The following RTN4RL2 variants were observed in gnomAD, a reference collection of about 807,000 sequenced individuals.
The protein encoded by RTN4RL2 is reticulon 4 receptor like 2.
Under a neutral mutation model 27.8 loss-of-function variants are expected in RTN4RL2, and 9 were observed. That is an observed-to-expected ratio of 0.32 (90% CI 0.20 to 0.57). The LOEUF (loss-of-function observed/expected upper bound fraction) is 0.57, where lower values mean the gene tolerates loss of function less well. Among genes scored for constraint, RTN4RL2 ranks in the 20% least tolerant of loss-of-function variants. The pLI, the probability that RTN4RL2 is intolerant of heterozygous loss-of-function variation, is 0.90. For missense variants in RTN4RL2, 436 were observed against 596.8 expected, an observed-to-expected ratio of 0.73 and a Z score of 2.81; for synonymous variants, 285 against 297.9, an observed-to-expected ratio of 0.96 and a Z score of 0.45.
intron 1 of RTN4RL2, among the ~76,000 whole-genome samples, chr11:57,462,640 G>C (rs1943492965): frequency 6.6e-6 from 1 of 152,240 alleles, no homozygotes; most frequent in Non-Finnish European, 1.5e-5. Context: ...CCTGTGGGCT[G>C]AGAACTTTGT....
At position 57,460,569 on chromosome 11, in the gene RTN4RL2, C is replaced by G. The variant is rs1468960520; in HGVS notation, c.-297C>G. On this transcript the variant is annotated 5_prime_UTR_variant, in exon 1 of 3. Transcript: ENST00000335099. ...CAGCCTGGGCACACGGACAGACGGA[C>G]TGACGGACTCTCGAGCGGACAGCGC... 1.8e-5 allele frequency: 3 copies of G among 167,486 alleles called. No homozygotes were observed. The highest frequency in any genetic ancestry group is 3.8e-5 in the Non-Finnish European group (3 of 78,548). 10.4% of individuals were successfully genotyped at this position (167,486 alleles called of 1,614,324 possible).
At chr11:57,473,192 T>TA (rs1410790201) in intron 2 of RTN4RL2, among the ~76,000 whole-genome samples, 1 of 152,188 alleles carries the variant, frequency 6.6e-6, no homozygotes, top group Non-Finnish European at 1.5e-5. Context: ...AGACACTCGG[T>TA]ACAGCTCTGT....
intron 1 of RTN4RL2, 85 bp downstream of exon 1, chr11:57,460,981 A>C: frequency 7.5e-6 from 5 of 662,830 alleles, no homozygotes; most frequent in Non-Finnish European, 1.1e-5. Flanking sequence ...AGGGTGGGGC[A>C]GTTGGGGAGG....
At chr11:57,468,510 CTCTT>C in intron 2 of RTN4RL2, 2 of 1,483,470 alleles carry the variant, frequency 1.3e-6, no homozygotes, top group Non-Finnish European at 9.1e-7. Context: ...GTGTATCTGT[CTCTT>C]TCTGTGATCT....
At chr11:57,468,877 T>C in intron 2 of RTN4RL2, 3 of 877,564 alleles carry the variant, frequency 3.4e-6, no homozygotes, top group Non-Finnish European at 5.5e-6. Context: ...ATTGATCTAA[T>C]TATTGTTTAT....
In RTN4RL2 at chr11:57,476,234, G is replaced by C. The variant is rs752738126; in HGVS notation, c.586G>C (p.Glu196Gln). ...CGGGAACCGCCTGCGGCTGCTCACA[G>C]AGCACGTGTTTCGCGGCCTGGGCAG... ...LHGNRLRLLT[E>Q]HVFRGLGSLD... The change falls in exon 3 of 3, where the codon GAG becomes CAG. Residue 196 changes from glutamate (E) to glutamine (Q), a missense_variant. Physicochemically the swap from Glu to Gln is conservative, Grantham distance 29. Around this residue, in one of 3 missense-constraint regions of RTN4RL2, gnomAD observed 365 missense variants for 530.5 expected, o/e 0.69. Transcript: ENST00000335099. This position sits in a 1 kb window ranked among gnomAD's most constrained non-coding sequence, Gnocchi z 8.2. 2 of 1,612,646 alleles carry C rather than the reference G, an allele frequency of 1.2e-6. No individual in the cohort carries two copies. The highest frequency in any genetic ancestry group is 1.7e-6 in the Non-Finnish European group (2 of 1,179,574).
At chr11:57,475,203 T>C (rs1416508400) in intron 2 of RTN4RL2, among the ~76,000 whole-genome samples, 1 of 152,224 alleles carries the variant, frequency 6.6e-6, no homozygotes, top group Non-Finnish European at 1.5e-5. Flanking sequence ...GAGGGGGTTA[T>C]ACATAATAAG....
chr11:57,472,501 G>A (rs755191121), intron 2 of RTN4RL2, among the ~76,000 whole-genome samples: 5 of 152,272 alleles, frequency 3.3e-5, no homozygotes, highest in South Asian at 2.1e-4. Context: ...ATGAGCCACC[G>A]TACACAGCTG....
chr11:57,471,927 C>T (rs373611393), intron 2 of RTN4RL2, among the ~76,000 whole-genome samples: 24 of 151,882 alleles, frequency 1.6e-4, no homozygotes, highest in Middle Eastern at 3.4e-3. Flanking sequence ...GGCACGATCT[C>T]GGCTCACTGC....
rs753025440 is a variant in RTN4RL2 at position 57,476,944 on chromosome 11, G to A, written c.*33G>A. The A allele has an allele frequency of 4.0e-6, 6 of 1,516,046 alleles. No homozygotes were observed. The highest frequency in any genetic ancestry group is 2.9e-5 in the African/African-American group (2 of 69,360). 93.9% of individuals were successfully genotyped at this position (1,516,046 alleles called of 1,614,324 possible). A position where few individuals can be genotyped will look rare whatever the true frequency, so the allele number is the denominator to read the frequency against. The stretch of plus-strand genomic sequence containing the variant: ...GCTGAGATCGAAGAGGCCAGTGTCC[G>A]ATCCCCGCTTCCCGTCCACCCGGGG... On this transcript the variant is annotated 3_prime_UTR_variant, in exon 3 of 3. Coordinates refer to ENST00000335099, the MANE Select transcript of RTN4RL2 (RefSeq NM_178570.3). The surrounding 1 kb of genome is among the most constrained non-coding windows in gnomAD (Gnocchi z 8.2).
Position 57,468,052 on chromosome 11 carries a change from T to C in RTN4RL2, c.475T>C (p.Tyr159His). The C allele has an allele frequency of 1.3e-6, 2 of 1,598,676 alleles. No homozygotes were observed. The highest frequency in any genetic ancestry group is 1.7e-6 in the Non-Finnish European group (2 of 1,179,168). ...CTTCCGAGGCCTGGTCAGCCTGCAG[T>C]ACCTCTACCTCCAGGAGAACAGCCT... ...NIFRGLVSLQ[Y>H]LYLQENSLLH... is the part of the protein sequence containing the mutation. The change falls in exon 2 of 3, where the codon TAC becomes CAC. Residue 159 changes from tyrosine (Y) to histidine (H), a missense_variant. Tyr to His is a moderately conservative substitution (Grantham distance 83). Around this residue, in one of 3 missense-constraint regions of RTN4RL2, gnomAD observed 365 missense variants for 530.5 expected, o/e 0.69. Transcript: ENST00000335099.
chr11:57,467,453 A>G lies in RTN4RL2; in HGVS notation c.32-156A>G, dbSNP rs1212418840. ...AGTCTCAAACTCCTGGCCTCAAGCA[A>G]TCCTCCTGCCTTGGCCTCCCAAAGT... On this transcript the variant is annotated intron_variant, in intron 1 of 2. Transcript: ENST00000335099. The surrounding 1 kb of genome is among the most constrained non-coding windows in gnomAD (Gnocchi z 5.5). Among the ~76,000 whole-genome samples, 1 of 151,772 alleles carries G rather than the reference A, an allele frequency of 6.6e-6. No homozygotes were observed. The highest frequency in any genetic ancestry group is 2.4e-5 in the African/African-American group (1 of 41,294).
chr11:57,468,190 A>G, intron 2 of RTN4RL2, 100 bp downstream of exon 2: 1 of 1,247,800 alleles, frequency 8.0e-7, no homozygotes, highest in Non-Finnish European at 1.1e-6. Flanking sequence ...CTCTCTCCCC[A>G]GGCCACCCTT....
chr11:57,468,111 C>T lies in RTN4RL2; in HGVS notation c.513+21C>T. 1.9e-6 allele frequency: 3 copies of T among 1,562,862 alleles called. No individual in the cohort carries two copies. In the African/African-American group the frequency reaches 4.0e-5, roughly 21 times the overall value. ...TACAGGTGAGCCTGCCCTGCCCCCA[C>T]CCTCAGCCCCTTTCTGGTTTCCTCT... is the stretch of plus-strand genomic sequence containing the variant. On this transcript the variant is annotated intron_variant, in intron 2 of 2. Transcript: ENST00000335099.
chr11:57,462,909 AG>A (rs771130099), intron 1 of RTN4RL2, among the ~76,000 whole-genome samples: 3 of 152,240 alleles, frequency 2.0e-5, no homozygotes, highest in Non-Finnish European at 4.4e-5. Context: ...AGAGAGCTGG[AG>A]TCCCTTCCTT....
intron 2 of RTN4RL2, chr11:57,469,000 T>C (rs940795031): frequency 1.6e-6 from 1 of 642,154 alleles, no homozygotes; most frequent in Non-Finnish European, 2.8e-6. Flanking sequence ...CTACAGAGCC[T>C]CCGGCTGGAA....
At chr11:57,468,359 C>A (rs1943541503) in intron 2 of RTN4RL2, among the ~76,000 whole-genome samples, 1 of 152,120 alleles carries the variant, frequency 6.6e-6, no homozygotes, top group African/African-American at 2.4e-5. Flanking sequence ...ACCTCTCTGC[C>A]TCTGCCTGTC....
At chr11:57,468,728 C>T (rs1003700859) in intron 2 of RTN4RL2, 18 of 1,535,970 alleles carry the variant, frequency 1.2e-5, no homozygotes, top group Non-Finnish European at 1.6e-5. Flanking sequence ...AGCCCACACC[C>T]CTTCTAGATT....
intron 2 of RTN4RL2, chr11:57,468,649 A>G: frequency 6.5e-7 from 1 of 1,536,178 alleles, no homozygotes; most frequent in Middle Eastern, 1.7e-4. Context: ...GAGAAGGCAG[A>G]GCCACAGCCA....
Sources: gnomAD v4.1 joint callset for allele counts (sites outside exome capture counted in the v4.1 genomes callset) on GRCh38, gnomAD v4.1.1 for gene constraint, gnomAD v4.1.1 regional missense constraint, Gnocchi (gnomAD v3.1) non-coding constraint, MANE v1.5 for transcripts, NCBI Gene and HGNC (gene_info 2026-07-23, HGNC 2026-07-21) for gene names.